ADD3: variants seen among roughly 807,000 people sequenced by gnomAD.
ADD3 encodes the protein gamma-adducin.
ADD3 carries 25 observed loss-of-function variants against 80.2 expected under a neutral mutation model. The ratio of observed to expected loss-of-function variants is 0.31; its 90% CI spans 0.23 to 0.44. ADD3 has a LOEUF of 0.44. ADD3 is among the 20% of genes least tolerant of loss of function. The pLI is 1.00. For synonymous variants in ADD3, 284 were observed against 289.6 expected (o/e 0.98, Z 0.20); for missense variants, 829 against 847.5 (o/e 0.98, Z 0.27).
intron 1 of ADD3, among the ~76,000 whole-genome samples, chr10:110,045,599 C>T (rs971542006): frequency 1.3e-5 from 2 of 152,054 alleles, no homozygotes; most frequent in Non-Finnish European, 2.9e-5. Flanking sequence ...AATGGATGAA[C>T]TAGAAATATC....
intron 1 of ADD3, among the ~76,000 whole-genome samples, chr10:110,078,979 T>C (rs1845703719): frequency 6.6e-6 from 1 of 152,192 alleles, no homozygotes; most frequent in African/African-American, 2.4e-5. Flanking sequence ...TATCTTTTCC[T>C]AAATACATAA....
At chr10:110,101,319 C>T (rs1848782881) in intron 2 of ADD3, among the ~76,000 whole-genome samples, 1 of 152,130 alleles carries the variant, frequency 6.6e-6, no homozygotes, top group Non-Finnish European at 1.5e-5. Context: ...CACGTGACTA[C>T]ACACTAAATT....
chr10:110,083,391 C>T (rs1846310203), intron 1 of ADD3, among the ~76,000 whole-genome samples: 1 of 152,138 alleles, frequency 6.6e-6, no homozygotes, highest in African/African-American at 2.4e-5. Context: ...TGGCTGGCGC[C>T]TCTAGTCCCA....
Position 110,114,198 on chromosome 10 carries a change from C to G in ADD3, c.334+1283C>G, listed in dbSNP as rs11194987. The stretch of plus-strand genomic sequence containing the variant: ...AGCAACCAGTTGCCTGAAATACTTA[C>G]GCAGTGAAGTGAAAAGCGGAAGTTA... On this transcript the variant is annotated intron_variant, in intron 3 of 14. Transcript: ENST00000356080. 4.7e-3 allele frequency among the ~76,000 whole-genome samples: 718 copies of G among 152,182 alleles called. 10 individuals carry two copies. The highest frequency in any genetic ancestry group is 0.016 in the African/African-American group (664 of 41,514).
chr10:110,091,536 G>C (rs1284301978), intron 1 of ADD3, among the ~76,000 whole-genome samples: 1 of 152,118 alleles, frequency 6.6e-6, no homozygotes, highest in Non-Finnish European at 1.5e-5. Context: ...ACGGGGAAAG[G>C]ATTCCCTATT....
At chr10:110,116,460 G>A (rs13306107) in intron 4 of ADD3, 50 bp downstream of exon 4, 3 of 1,585,578 alleles carry the variant, frequency 1.9e-6, no homozygotes, top group Non-Finnish European at 8.6e-7. Flanking sequence ...CAGCTAGAAG[G>A]CAACTATACT....
At chr10:110,021,009 A>G (rs1463271044) in intron 1 of ADD3, among the ~76,000 whole-genome samples, 3 of 112,800 alleles carry the variant, frequency 2.7e-5, no homozygotes, top group African/African-American at 6.1e-5. Context: ...TAGGCCGACT[A>G]TATAAACTTG....
At chr10:110,130,323 A>C (rs1308351251) in intron 12 of ADD3, 40 bp from the exon 13 acceptor site, 2 of 1,604,486 alleles carry the variant, frequency 1.2e-6, no homozygotes, top group Non-Finnish European at 1.7e-6. Context: ...TATAAGTAAA[A>C]CTCTTGGTAA....
intron 1 of ADD3, among the ~76,000 whole-genome samples, chr10:110,094,918 G>A (rs959616680): frequency 6.6e-6 from 1 of 152,212 alleles, no homozygotes; most frequent in Non-Finnish European, 1.5e-5. Flanking sequence ...AGGTCTGGTA[G>A]TTGAAAGTAC....
chr10:110,118,686 C>T lies in ADD3; in HGVS notation c.667C>T (p.Arg223Cys), dbSNP rs368541274. 3.1e-6 allele frequency: 5 copies of T among 1,614,124 alleles called. No individual in the cohort carries two copies. The highest frequency in any genetic ancestry group is 4.2e-6 in the Non-Finnish European group (5 of 1,179,964). The stretch of plus-strand genomic sequence containing the variant: ...TCCCCATGCTGCAATCTATTCAACA[C>T]GTCCTGATGTTAAGTGTGTGATACA... ...FSPHAAIYST[R>C]PDVKCVIHIH... is the part of the protein sequence containing the mutation. The change falls in exon 6 of 15, where the codon CGT (arginine) becomes TGT (cysteine). Residue 223 changes from arginine (R) to cysteine (C), a missense_variant. Arg to Cys is a radical substitution (Grantham distance 180). Coordinates refer to ENST00000356080, the MANE Select transcript of ADD3 (RefSeq NM_016824.5).
intron 1 of ADD3, among the ~76,000 whole-genome samples, chr10:110,064,406 T>C (rs1843650446): frequency 6.6e-6 from 1 of 152,176 alleles, no homozygotes; most frequent in South Asian, 2.1e-4. Context: ...TTAAGTTTTT[T>C]GTTTCTGTTT....
intron 1 of ADD3, among the ~76,000 whole-genome samples, chr10:110,034,333 A>G (rs1564869018): frequency 6.6e-6 from 1 of 152,056 alleles, no homozygotes; most frequent in Admixed American, 6.5e-5. Flanking sequence ...ATATTGACAT[A>G]TATCTTGGGA....
chr10:110,036,075 C>A (rs533487054), intron 1 of ADD3, among the ~76,000 whole-genome samples: 1 of 151,972 alleles, frequency 6.6e-6, no homozygotes, highest in Non-Finnish European at 1.5e-5. Flanking sequence ...CGCTTGAACT[C>A]GGGAGGCGGG....
chr10:110,076,665 T>C (rs1845407018), intron 1 of ADD3, among the ~76,000 whole-genome samples: 1 of 152,244 alleles, frequency 6.6e-6, no homozygotes. Flanking sequence ...CCTTGAGATA[T>C]GTAAAAGCTG....
intron 1 of ADD3, among the ~76,000 whole-genome samples, chr10:110,008,800 T>C (rs1851971967): frequency 6.6e-6 from 1 of 152,184 alleles, no homozygotes; most frequent in African/African-American, 2.4e-5. Flanking sequence ...TTGTTACAAG[T>C]TGAAAGTGTT....
Position 110,122,247 on chromosome 10 carries a change from TG to T in ADD3, c.1100del (p.Gly367AlafsTer9). On this transcript the variant is annotated frameshift_variant, in exon 9 of 15. Transcript: ENST00000356080. LOFTEE classifies it high-confidence loss of function. ...NMGSHQKWKV[G>X]EIEFEGLMRT... The stretch of plus-strand genomic sequence containing the variant: ...TGGGTTCCCATCAAAAATGGAAGGT[TG>T]GCGAAATTGAGTTTGAAGGGCTTAT... The T allele has an allele frequency of 6.2e-7, 1 of 1,614,116 alleles. No homozygotes were observed. The highest frequency in any genetic ancestry group is 8.5e-7 in the Non-Finnish European group (1 of 1,179,986).
intron 1 of ADD3, among the ~76,000 whole-genome samples, chr10:110,055,633 AAG>A (rs1348458456): frequency 6.6e-6 from 1 of 152,234 alleles, no homozygotes; most frequent in African/African-American, 2.4e-5. Flanking sequence ...TCTAAGAACA[AAG>A]AGGCAGGCAT....
chr10:110,089,644 T>G (rs1050039012), intron 1 of ADD3, among the ~76,000 whole-genome samples: 1 of 152,038 alleles, frequency 6.6e-6, no homozygotes, highest in Non-Finnish European at 1.5e-5. Flanking sequence ...AGGGATTGCC[T>G]TTCTGTGGTT....
intron 9 of ADD3, among the ~76,000 whole-genome samples, chr10:110,123,079 T>C (rs984554584): frequency 3.9e-5 from 6 of 152,222 alleles, no homozygotes; most frequent in Admixed American, 1.3e-4. Flanking sequence ...TGAATAGTAT[T>C]CCATTATGTT....
Sources: allele counts gnomAD v4.1 joint callset (sites outside exome capture counted in the v4.1 genomes callset), GRCh38; gene constraint gnomAD v4.1.1; transcripts MANE v1.5; gene names NCBI Gene and HGNC (gene_info 2026-07-23, HGNC 2026-07-21).